Variants in LCOR observed in about 807,000 individuals in gnomAD.
LCOR encodes the protein ligand-dependent corepressor.
Under a neutral mutation model 64.4 loss-of-function variants are expected in LCOR, and 14 were observed. The observed-to-expected ratio is 0.22, with a 90% CI of 0.14 to 0.34. The LOEUF is 0.34. Among genes scored for constraint, LCOR ranks in the 10% least tolerant of loss-of-function variants. LCOR has a pLI of 1.00. For synonymous variants in LCOR, 643 were observed against 642.5 expected (o/e 1.00, Z -0.01); for missense variants, 1,686 against 1,765.3 (o/e 0.96, Z 0.80).
At chr10:96,834,022 A>G (rs917391406) in intron 2 of LCOR, among the ~76,000 whole-genome samples, 1 of 152,316 alleles carries the variant, frequency 6.6e-6, no homozygotes. Flanking sequence ...GCCCTTTACA[A>G]TGTCCCACAA....
chr10:96,965,800 C>T (rs1160061201), intron 7 of LCOR, among the ~76,000 whole-genome samples: 3 of 151,614 alleles, frequency 2.0e-5, no homozygotes, highest in Admixed American at 2.0e-4. Context: ...ATGCCACATA[C>T]TTAATCAAGA....
Position 96,985,030 on chromosome 10 carries a change from C to T in LCOR, c.4570C>T (p.Pro1524Ser), listed in dbSNP as rs1848136212. The part of the protein sequence containing the change: ...KQSSGKTRAR[P>S]STKTPESSAA... ...GAGTAGTGGAAAGACTCGGGCCAGA[C>T]CCTCAACGAAAACCCCAGAGAGCAG... Residue 1524 changes from proline to serine, a missense_variant, in exon 8 of 8, where the codon CCC becomes TCC. Pro to Ser is a moderately conservative substitution (Grantham distance 74). Transcript: ENST00000421806. 1.2e-6 allele frequency: 2 copies of T among 1,614,068 alleles called. No homozygotes were observed. The highest frequency in any genetic ancestry group is 1.1e-5 in the South Asian group (1 of 91,086).
chr10:96,931,634 G>A (rs903067774), intron 4 of LCOR, among the ~76,000 whole-genome samples: 2 of 152,154 alleles, frequency 1.3e-5, no homozygotes, highest in Non-Finnish European at 2.9e-5. Context: ...GGAAGTGGAC[G>A]CAAAGTAGTG....
intron 4 of LCOR, among the ~76,000 whole-genome samples, chr10:96,927,873 A>G (rs939560295): frequency 7.9e-5 from 12 of 152,332 alleles, no homozygotes; most frequent in African/African-American, 9.6e-5. Context: ...AGCAAGTCAC[A>G]TTATTTTTTT....
At chr10:96,858,674 T>C (rs1328914322) in intron 2 of LCOR, among the ~76,000 whole-genome samples, 1 of 152,196 alleles carries the variant, frequency 6.6e-6, no homozygotes, top group Non-Finnish European at 1.5e-5. Flanking sequence ...TGGAGTGTCA[T>C]TAGGGAGGGG....
intron 2 of LCOR, among the ~76,000 whole-genome samples, chr10:96,892,044 A>G (rs944838845): frequency 6.6e-6 from 1 of 152,134 alleles, no homozygotes; most frequent in African/African-American, 2.4e-5. Context: ...GTTCCAGTGC[A>G]CTTGAAAAGA....
At chr10:96,843,182 C>T (rs550977676) in intron 2 of LCOR, among the ~76,000 whole-genome samples, 2 of 152,230 alleles carry the variant, frequency 1.3e-5, no homozygotes, top group African/African-American at 2.4e-5. Context: ...TGGAATGCAG[C>T]GGCATGATCA....
intron 4 of LCOR, among the ~76,000 whole-genome samples, chr10:96,918,774 A>C (rs1846998215): frequency 6.6e-6 from 1 of 152,216 alleles, no homozygotes; most frequent in African/African-American, 2.4e-5. Flanking sequence ...CCTGAATATA[A>C]GAACCGTGGC....
intron 7 of LCOR, among the ~76,000 whole-genome samples, chr10:96,965,343 T>C (rs1454990423): frequency 6.6e-6 from 1 of 151,118 alleles, no homozygotes; most frequent in Non-Finnish European, 1.5e-5. Context: ...ATGATGCTAT[T>C]GTTAATTGGT....
intron 2 of LCOR, among the ~76,000 whole-genome samples, chr10:96,887,991 G>A (rs944075423): frequency 2.6e-5 from 4 of 151,560 alleles, no homozygotes; most frequent in Non-Finnish European, 4.4e-5. Context: ...TACTTTTTTC[G>A]TAGAATACCA....
At chr10:96,869,877 A>G (rs1253850371) in intron 2 of LCOR, among the ~76,000 whole-genome samples, 1 of 152,058 alleles carries the variant, frequency 6.6e-6, no homozygotes, top group African/African-American at 2.4e-5. Context: ...GCCCACCAGG[A>G]TCTCAGTTCT....
intron 7 of LCOR, among the ~76,000 whole-genome samples, chr10:96,978,970 G>A (rs369269711): frequency 6.6e-6 from 1 of 152,174 alleles, no homozygotes; most frequent in Non-Finnish European, 1.5e-5. Flanking sequence ...GAGAGATGAC[G>A]TAACTTGCCT....
intron 2 of LCOR, among the ~76,000 whole-genome samples, chr10:96,843,184 G>A (rs974616399): frequency 1.3e-5 from 2 of 152,136 alleles, no homozygotes; most frequent in South Asian, 4.1e-4. Flanking sequence ...GAATGCAGCG[G>A]CATGATCATA....
chr10:96,962,717 G>A (rs1847899899), intron 7 of LCOR: 1 of 151,990 alleles, frequency 6.6e-6, no homozygotes. Context: ...CCCACATGTT[G>A]CTTGTTGTGA....
chr10:96,955,551 T>G, intron 7 of LCOR: 6 of 1,614,174 alleles, frequency 3.7e-6, no homozygotes, highest in Non-Finnish European at 5.1e-6. Flanking sequence ...TGGACCCGAT[T>G]CTTGGGGCTC....
In LCOR at chr10:96,995,735, A is replaced by G. The variant is rs966450118; in HGVS notation, c.*10601A>G. ...CTGTGTTTTGCTTTCCTATCAGGCC[A>G]TGTAGGAAACTGTGTTCTTGTTATT... On this transcript the variant is annotated 3_prime_UTR_variant, in exon 8 of 8. Coordinates refer to ENST00000421806, the MANE Select transcript of LCOR (RefSeq NM_001346516.2). The surrounding 1 kb of genome is among the most constrained non-coding windows in gnomAD (Gnocchi z 4.2). 1 of 152,192 alleles carries G rather than the reference A, an allele frequency of 6.6e-6. No homozygotes were observed. The allele number at this position is 152,192 out of a possible 1,614,324, so 9.4% of individuals were successfully genotyped here.
At chr10:96,871,650 C>G (rs1001251726) in intron 2 of LCOR, among the ~76,000 whole-genome samples, 10 of 151,564 alleles carry the variant, frequency 6.6e-5, no homozygotes, top group African/African-American at 2.2e-4. Context: ...GTCTTGAACT[C>G]TTGAGCTCAA....
chr10:96,951,001 A>G (rs1847668894), intron 6 of LCOR, among the ~76,000 whole-genome samples: 1 of 152,026 alleles, frequency 6.6e-6, no homozygotes, highest in Admixed American at 6.5e-5. Flanking sequence ...GGGTTTTTTT[A>G]TTTACAAACT....
intron 2 of LCOR, among the ~76,000 whole-genome samples, chr10:96,893,609 A>G (rs1002303619): frequency 1.1e-4 from 16 of 152,090 alleles, no homozygotes; most frequent in African/African-American, 3.9e-4. Context: ...CTAAAAATAC[A>G]AAAACTAACT....
Sources: gnomAD v4.1 joint callset for allele counts (sites outside exome capture counted in the v4.1 genomes callset) on GRCh38, gnomAD v4.1.1 for gene constraint, Gnocchi (gnomAD v3.1) non-coding constraint, MANE v1.5 for transcripts, NCBI Gene and HGNC (gene_info 2026-07-23, HGNC 2026-07-21) for gene names.